Variants in NEK10 observed in about 807,000 individuals in gnomAD.
The protein encoded by NEK10 is NIMA related kinase 10, also known as serine/threonine-protein kinase Nek10.
In NEK10, 122 loss-of-function variants were observed where a neutral mutation model predicts 159.8. That is an observed-to-expected ratio of 0.76 (90% confidence interval 0.66 to 0.89). The LOEUF (loss-of-function observed/expected upper bound fraction) is 0.89, where lower values mean the gene tolerates loss of function less well. Ranked by LOEUF, NEK10 falls within the 40% of genes least tolerant of loss-of-function variation. The pLI is 0.00. For synonymous variants in NEK10, 466 were observed against 457.1 expected (o/e 1.02, Z -0.25); for missense variants, 1,342 against 1,323.1 (o/e 1.01, Z -0.22).
rs1946135127 is a variant in NEK10, at chr3:27,162,732, G to A, written c.2838C>T (p.Phe946=). Residue 946 remains phenylalanine (F), a synonymous_variant, in exon 30 of 36, where the codon TTC becomes TTT. Coordinates refer to ENST00000691995, the MANE Select transcript of NEK10 (RefSeq NM_001394966.1). ...GGERQSQTRD[F]TGGTGSRPRP... is the part of the protein sequence containing the mutation. ...TTGGTCTTGATCCTGTTCCTCCAGTGAAGTCCCTGAAAATAGAATTACAGG... is the reference window on the plus strand; with the variant it reads ...TTGGTCTTGATCCTGTTCCTCCAGTAAAGTCCCTGAAAATAGAATTACAGG... 5 of 1,613,944 alleles carry A rather than the reference G, an allele frequency of 3.1e-6. No homozygotes were observed. Among genetic ancestry groups the A allele is most frequent in the Non-Finnish European group, 4.2e-6 (5 of 1,179,986 alleles).
At chr3:27,288,826 C>G (rs567248130) in intron 19 of NEK10, among the ~76,000 whole-genome samples, 1 of 152,294 alleles carries the variant, frequency 6.6e-6, no homozygotes, top group East Asian at 1.9e-4. Flanking sequence ...GCTTGCATCT[C>G]TTTTTGGTCT....
chr3:27,229,757 T>C (rs1436680436), intron 23 of NEK10, among the ~76,000 whole-genome samples: 3 of 151,766 alleles, frequency 2.0e-5, no homozygotes, highest in South Asian at 2.1e-4. Context: ...GACTAGAACA[T>C]GTAGAAGAAA....
At chr3:27,215,403 C>T (rs1357387296) in intron 23 of NEK10, among the ~76,000 whole-genome samples, 1 of 152,130 alleles carries the variant, frequency 6.6e-6, no homozygotes, top group Non-Finnish European at 1.5e-5. Context: ...CTGTGGAAAA[C>T]AAGATATTTG....
At chr3:27,359,717 A>AT (rs2149867235) in intron 1 of NEK10, among the ~76,000 whole-genome samples, 1 of 152,358 alleles carries the variant, frequency 6.6e-6, no homozygotes, top group African/African-American at 2.4e-5. Flanking sequence ...AAATGTCAAC[A>AT]TTAAGGGAAG....
intron 22 of NEK10, among the ~76,000 whole-genome samples, chr3:27,258,885 T>C (rs1054649949): frequency 6.6e-6 from 1 of 152,140 alleles, no homozygotes; most frequent in African/African-American, 2.4e-5. Flanking sequence ...CACCTGTTGT[T>C]TCCTGACTTT....
Position 27,212,794 on chromosome 3 carries a change from G to C in NEK10, c.2091-10237C>G, listed in dbSNP as rs190453320. On this transcript the variant is annotated intron_variant, in intron 23 of 35. Transcript: ENST00000691995. ...GTTGGTGGTGGACTAAAAGATAATAGCTTGATAAGATACTGAGGCCAGGGC... is the reference window on the plus strand; with the variant it reads ...GTTGGTGGTGGACTAAAAGATAATACCTTGATAAGATACTGAGGCCAGGGC... Among the ~76,000 whole-genome samples the C allele has an allele frequency of 8.3e-4, 126 of 152,304 alleles. 3 individuals are homozygous for C. Among genetic ancestry groups the C allele is most frequent in the Admixed American group, 6.9e-3 (106 of 15,302 alleles).
At position 27,356,355 on chromosome 3, in the gene NEK10, T is replaced by C. The variant is rs192553311; in HGVS notation, c.-37-3436A>G. Reference sequence around the variant, plus strand: ...ACCAAGACTCCATCTCTACAAAAAATTTAAAAATAAGCCAAGTGTGGTGGT... The same window carrying C: ...ACCAAGACTCCATCTCTACAAAAAACTTAAAAATAAGCCAAGTGTGGTGGT... On this transcript the variant is annotated intron_variant, in intron 1 of 35. Transcript: ENST00000691995. 4.6e-5 allele frequency among the ~76,000 whole-genome samples: 7 copies of C among 152,106 alleles called. No individual in the cohort carries two copies. The East Asian group carries it at 1.4e-3, about 30-fold the overall frequency.
intron 23 of NEK10, among the ~76,000 whole-genome samples, chr3:27,209,033 T>G (rs1171752013): frequency 1.3e-5 from 2 of 152,310 alleles, no homozygotes; most frequent in East Asian, 3.9e-4. Flanking sequence ...TAAAAGAAAT[T>G]GGCACACCTT....
Position 27,201,514 on chromosome 3 carries a change from T to C in NEK10, c.2287A>G (p.Ser763Gly). Residue 763 changes from serine (S) to glycine (G), a missense_variant, in exon 25 of 36, where the codon AGC becomes GGC. Physicochemically the swap from Ser to Gly is moderately conservative, Grantham distance 56 (BLOSUM62 0). Coordinates refer to ENST00000691995, the MANE Select transcript of NEK10 (RefSeq NM_001394966.1). ...IYSEKVTDTI[S>G]RCLTPDAEAR... Reference sequence around the variant, plus strand: ...TGAAGCCGCAAGACTAATTACCTGCTGATGGTGTCTGTTACTTTTTCAGAG... The same window carrying C: ...TGAAGCCGCAAGACTAATTACCTGCCGATGGTGTCTGTTACTTTTTCAGAG... 6.2e-7 allele frequency: 1 copy of C among 1,613,772 alleles called. No homozygotes were observed. The highest frequency in any genetic ancestry group is 8.5e-7 in the Non-Finnish European group (1 of 1,179,726).
At chr3:27,236,282 G>C (rs1186907016) in intron 23 of NEK10, among the ~76,000 whole-genome samples, 1 of 151,986 alleles carries the variant, frequency 6.6e-6, no homozygotes, top group Admixed American at 6.6e-5. Flanking sequence ...ATGTACACCT[G>C]AACTTAAAAG....
intron 32 of NEK10, among the ~76,000 whole-genome samples, chr3:27,128,500 C>T (rs900405317): frequency 1.7e-4 from 26 of 152,042 alleles, no homozygotes; most frequent in African/African-American, 6.3e-4. Context: ...GAAACTTTTC[C>T]TCTCAATGAT....
At chr3:27,301,285 G>T (rs1395860041) in intron 13 of NEK10, among the ~76,000 whole-genome samples, 1 of 152,184 alleles carries the variant, frequency 6.6e-6, no homozygotes, top group East Asian at 1.9e-4. Flanking sequence ...GCATGGGGAA[G>T]GTACTCTCTT....
chr3:27,274,759 G>A (rs942617739), intron 22 of NEK10, among the ~76,000 whole-genome samples: 2 of 152,074 alleles, frequency 1.3e-5, no homozygotes, highest in African/African-American at 4.8e-5. Flanking sequence ...AATGGCTTTA[G>A]TAGACTTAGC....
intron 22 of NEK10, among the ~76,000 whole-genome samples, chr3:27,267,428 C>T (rs1376670719): frequency 2.6e-5 from 4 of 152,156 alleles, no homozygotes; most frequent in Non-Finnish European, 5.9e-5. Flanking sequence ...TGTGGCAACC[C>T]TGTATCCAGC....
chr3:27,212,282 G>A (rs1004920143), intron 23 of NEK10, among the ~76,000 whole-genome samples: 6 of 152,084 alleles, frequency 3.9e-5, no homozygotes, highest in Non-Finnish European at 7.4e-5. Context: ...GATAGCTAAC[G>A]CATATTTCAA....
rs139802946 is a variant in NEK10 at position 27,192,035 on chromosome 3, T to C, written c.2499A>G (p.Leu833=). 6.8e-6 allele frequency: 11 copies of C among 1,614,032 alleles called. No individual in the cohort carries two copies. Among genetic ancestry groups the C allele is most frequent in the South Asian group, 6.6e-5 (6 of 91,084 alleles). The change falls in exon 26 of 36, where the codon CTA becomes CTG. Residue 833 remains leucine (L), a synonymous_variant. Transcript: ENST00000691995. The part of the protein sequence containing the change: ...TVTCHHELAV[L]SHETFEKASL... ...TTGAAATATTTGCACTTACGTGAGA[T>C]AGAACAGCCAGCTCATGGTGACATG...
intron 32 of NEK10, among the ~76,000 whole-genome samples, chr3:27,131,251 T>G (rs1283033656): frequency 6.6e-6 from 1 of 152,160 alleles, no homozygotes; most frequent in East Asian, 1.9e-4. Flanking sequence ...CAGGGGAGCT[T>G]ATGGCCACTT....
intron 23 of NEK10, among the ~76,000 whole-genome samples, chr3:27,247,477 G>A (rs1342263666): frequency 6.6e-6 from 1 of 152,132 alleles, no homozygotes; most frequent in South Asian, 2.1e-4. Flanking sequence ...ACTTGATCAT[G>A]AGGAATAATC....
chr3:27,313,264 CAA>C (rs35978667), intron 7 of NEK10, among the ~76,000 whole-genome samples: 6 of 134,178 alleles, frequency 4.5e-5, no homozygotes, highest in Non-Finnish European at 3.2e-5. Context: ...GACCCTATCT[CAA>C]AAAAAAAAAA....
Sources: gnomAD v4.1 joint callset for allele counts (sites outside exome capture counted in the v4.1 genomes callset) on GRCh38, gnomAD v4.1.1 for gene constraint, MANE v1.5 for transcripts, NCBI Gene and HGNC (gene_info 2026-07-23, HGNC 2026-07-21) for gene names.